The following SLC24A1 variants were observed in gnomAD, a reference collection of about 807,000 sequenced individuals.
SLC24A1 encodes the protein solute carrier family 24 member 1.
In SLC24A1, 52 loss-of-function variants were observed where a neutral mutation model predicts 88.1. That is an observed-to-expected ratio of 0.59 (90% confidence interval 0.47 to 0.74). The LOEUF is 0.74. Among genes scored for constraint, SLC24A1 ranks in the 30% least tolerant of loss-of-function variants. SLC24A1 has a pLI of 0.00. For missense variants in SLC24A1, 1,173 were observed against 1,363.3 expected (o/e 0.86, Z 2.20); for synonymous variants, 455 against 498.0 (o/e 0.91, Z 1.15).
At chr15:65,623,404 A>C (rs940223677) in intron 1 of SLC24A1, among the ~76,000 whole-genome samples, 1 of 152,124 alleles carries the variant, frequency 6.6e-6, no homozygotes, top group African/African-American at 2.4e-5. Flanking sequence ...TTCTCTGGGA[A>C]GCTCTATAAC....
At chr15:65,645,510 C>G in intron 5 of SLC24A1, 102 bp from the exon 6 acceptor site, 3 of 848,468 alleles carry the variant, frequency 3.5e-6, no homozygotes, top group Non-Finnish European at 5.9e-6. Flanking sequence ...TTCAGAAACC[C>G]TGAAGTCCAA....
Position 65,654,571 on chromosome 15 carries a change from A to T in SLC24A1, c.*492A>T. ...TCTGTTCAAATTGTGAGGTTCTATC[A>T]GGTTTGTAATCACTGTAGCTTCAGT... On this transcript the variant is annotated 3_prime_UTR_variant, in exon 10 of 10. Coordinates refer to ENST00000261892, the MANE Select transcript of SLC24A1 (RefSeq NM_004727.3). The T allele has an allele frequency of 8.4e-7, 1 of 1,191,192 alleles. No homozygotes were observed. Among genetic ancestry groups the T allele is most frequent in the Non-Finnish European group, 1.1e-6 (1 of 947,098 alleles). The allele number at this position is 1,191,192 out of a possible 1,614,324, so 73.8% of individuals were successfully genotyped here. A position where few individuals can be genotyped will look rare whatever the true frequency, so the allele number is the denominator to read the frequency against.
At chr15:65,622,416 T>C (rs555251021) in intron 1 of SLC24A1, among the ~76,000 whole-genome samples, 1 of 152,186 alleles carries the variant, frequency 6.6e-6, no homozygotes, top group Non-Finnish European at 1.5e-5. Context: ...GTTAGGAGGC[T>C]CATCTGCTTG....
At position 65,624,920 on chromosome 15, in the gene SLC24A1, C is replaced by G. The variant is rs887605284; in HGVS notation, c.840C>G (p.Asn280Lys). 3.1e-6 allele frequency: 5 copies of G among 1,613,308 alleles called. No homozygotes were observed. Among genetic ancestry groups the G allele is most frequent in the Non-Finnish European group, 3.4e-6 (4 of 1,179,688 alleles). The change falls in exon 2 of 10, where the codon AAC becomes AAG. Residue 280 changes from asparagine to lysine, a missense_variant. Physicochemically the swap from Asn to Lys is moderately conservative, Grantham distance 94. Transcript: ENST00000261892. ...CAAGGAGCGTCATGGAAAAAAACAA[C>G]CTGTTTCCCCCCAGAAGAGTGGAAA... ...TSPRSVMEKN[N>K]LFPPRRVESN... is the part of the protein sequence containing the mutation.
At position 65,625,595 on chromosome 15, in the gene SLC24A1, T is replaced by C; in HGVS notation, c.1515T>C (p.Ser505=). 2 of 1,614,050 alleles carry C rather than the reference T, an allele frequency of 1.2e-6. No individual in the cohort carries two copies. Among genetic ancestry groups the C allele is most frequent in the Non-Finnish European group, 1.7e-6 (2 of 1,179,894 alleles). Reference sequence around the variant, plus strand: ...CCACATTCATGGCTGCTGGAGGCTCTGCTCCTGAGCTCTTCACCTCCCTCA... The same window carrying C: ...CCACATTCATGGCTGCTGGAGGCTCCGCTCCTGAGCTCTTCACCTCCCTCA... The part of the protein sequence containing the change: ...AGATFMAAGG[S]APELFTSLIG... The change falls in exon 2 of 10, where the codon TCT becomes TCC. Residue 505 remains serine, a synonymous_variant. Transcript: ENST00000261892.
At chr15:65,621,267 C>T (rs1180253483), upstream of SLC24A1, among the ~76,000 whole-genome samples, 3 of 152,152 alleles carry the variant, frequency 2.0e-5, no homozygotes, top group African/African-American at 7.2e-5. Flanking sequence ...CACAAGATCC[C>T]CACTACCTTA....
At chr15:65,611,984 C>T (rs554101600) in intron 1 of SLC24A1, 1 of 152,442 alleles carries the variant, frequency 6.6e-6, no homozygotes, top group South Asian at 2.1e-4. Context: ...AGCCCAAATG[C>T]TCACTTTATT....
At chr15:65,627,044 C>T (rs1035371858) in intron 2 of SLC24A1, among the ~76,000 whole-genome samples, 2 of 152,168 alleles carry the variant, frequency 1.3e-5, no homozygotes, top group South Asian at 2.1e-4. Context: ...TAATCCAGAG[C>T]AGTTTTGATG....
rs1331203838 is a variant in SLC24A1 at position 65,653,771 on chromosome 15, A to G, written c.3051-59A>G. ...CTTTGTAAAGTATAAACTACTATTT[A>G]AGTGTATGGGATTATTATAAACATT... On this transcript the variant is annotated intron_variant, in intron 9 of 9. Coordinates refer to ENST00000261892, the MANE Select transcript of SLC24A1 (RefSeq NM_004727.3). 36 of 1,532,902 alleles carry G rather than the reference A, an allele frequency of 2.3e-5. 1 individual carries two copies. Among genetic ancestry groups the G allele is most frequent in the Non-Finnish European group, 3.1e-5 (35 of 1,115,174 alleles). 95.0% of individuals were successfully genotyped at this position (1,532,902 alleles called of 1,614,324 possible).
rs774410891 is a variant in SLC24A1, at chr15:65,625,399, A to AC, written c.1325dup (p.Asp443ArgfsTer66). On this transcript the variant is annotated frameshift_variant, in exon 2 of 10. Coordinates refer to ENST00000261892, the MANE Select transcript of SLC24A1 (RefSeq NM_004727.3). LOFTEE classifies it high-confidence loss of function. ...CCAGACCTCCACCCCAAGGGAGAGT[A>AC]CCCCCCAGATCTGTTCAGTGTGGAG... 5 of 1,613,642 alleles carry AC rather than the reference A, an allele frequency of 3.1e-6. No homozygotes were observed. The highest frequency in any genetic ancestry group is 1.7e-5 in the Admixed American group (1 of 59,970).
Position 65,650,726 on chromosome 15 carries a change from C to T in SLC24A1, c.2577C>T (p.Ser859=), listed in dbSNP as rs371059164. The part of the protein sequence containing the change: ...EDGGGSDGGD[S]EEEEEEEEEQ... Reference sequence around the variant, plus strand: ...GAGGGGGAAGTGATGGAGGGGATAGCGAAGAGGAGGAAGAGGAGGAGGAAG... The same window carrying T: ...GAGGGGGAAGTGATGGAGGGGATAGTGAAGAGGAGGAAGAGGAGGAGGAAG... The change falls in exon 7 of 10, where the codon AGC becomes AGT. Residue 859 remains serine (S), a synonymous_variant. Coordinates refer to ENST00000261892, the MANE Select transcript of SLC24A1 (RefSeq NM_004727.3). This position sits in a 1 kb window ranked among gnomAD's most constrained non-coding sequence, Gnocchi z 4.1. 9.6e-5 allele frequency: 150 copies of T among 1,566,010 alleles called. 1 individual carries two copies. In the African/African-American group the frequency reaches 1.2e-3, roughly 12 times the overall value.
chr15:65,626,112 A>G, intron 2 of SLC24A1, 142 bp downstream of exon 2: 1 of 700,140 alleles, frequency 1.4e-6, no homozygotes, highest in Non-Finnish European at 2.5e-6. Flanking sequence ...ACATTTATAG[A>G]GTACCTGTTC....
At chr15:65,644,077 C>T in intron 4 of SLC24A1, 1 of 270,194 alleles carries the variant, frequency 3.7e-6, no homozygotes. Flanking sequence ...AATTCAGTAC[C>T]CAAGCAGGCC....
chr15:65,623,388 GC>G (rs2074386936), intron 1 of SLC24A1, among the ~76,000 whole-genome samples: 1 of 152,142 alleles, frequency 6.6e-6, no homozygotes, highest in African/African-American at 2.4e-5. Context: ...CTCCCACCAT[GC>G]CATATTCTCT....
chr15:65,645,785 G>T, intron 6 of SLC24A1, 82 bp downstream of exon 6: 4 of 889,802 alleles, frequency 4.5e-6, no homozygotes, highest in Non-Finnish European at 7.1e-6. Context: ...CTCCCTGAAG[G>T]TCTGAAATCC....
rs150345130 is a variant in SLC24A1 at position 65,632,586 on chromosome 15, A to G, written c.1891-5542A>G. On this transcript the variant is annotated intron_variant, in intron 2 of 9. Coordinates refer to ENST00000261892, the MANE Select transcript of SLC24A1 (RefSeq NM_004727.3). Reference sequence around the variant, plus strand: ...AACAAATGTATGGTAATTAAAATCAAGAACTGGCTGATGCTACTCTGAAAG... The same window carrying G: ...AACAAATGTATGGTAATTAAAATCAGGAACTGGCTGATGCTACTCTGAAAG... 2.7e-3 allele frequency among the ~76,000 whole-genome samples: 408 copies of G among 152,346 alleles called. 2 individuals are homozygous for G. Among genetic ancestry groups the G allele is most frequent in the Non-Finnish European group, 4.4e-3 (296 of 68,040 alleles).
intron 1 of SLC24A1, among the ~76,000 whole-genome samples, chr15:65,622,628 T>G (rs1012874153): frequency 6.6e-6 from 1 of 152,186 alleles, no homozygotes; most frequent in African/African-American, 2.4e-5. Context: ...TAATAAATAG[T>G]TACTTGGGCT....
intron 8 of SLC24A1, 177 bp downstream of exon 8, chr15:65,651,936 G>A (rs1351934631): frequency 1.6e-6 from 1 of 632,654 alleles, no homozygotes; most frequent in Non-Finnish European, 2.9e-6. Context: ...TGCTTCTCAA[G>A]TGTGGCTTTT....
In SLC24A1 at chr15:65,624,244, C is replaced by T. The variant is rs1262713527; in HGVS notation, c.164C>T (p.Ser55Phe). The change falls in exon 2 of 10, where the codon TCT becomes TTT. Residue 55 changes from serine to phenylalanine, a missense_variant. Coordinates refer to ENST00000261892, the MANE Select transcript of SLC24A1 (RefSeq NM_004727.3). ...RGLSSLWAAV[S>F]SHQPIKLASR... ...CTTTCCTCATTGTGGGCAGCAGTCT[C>T]TTCTCATCAGCCTATAAAACTGGCC... The T allele has an allele frequency of 1.2e-6, 2 of 1,613,928 alleles. No homozygotes were observed. The highest frequency in any genetic ancestry group is 1.1e-5 in the South Asian group (1 of 91,080).
Sources: allele counts gnomAD v4.1 joint callset (sites outside exome capture counted in the v4.1 genomes callset), GRCh38; gene constraint gnomAD v4.1.1; non-coding constraint Gnocchi (gnomAD v3.1); transcripts MANE v1.5; gene names NCBI Gene and HGNC (gene_info 2026-07-23, HGNC 2026-07-21).